Variants in SNTG1 observed in about 807,000 individuals in gnomAD.
SNTG1 encodes syntrophin gamma 1, also known as gamma-1-syntrophin.
A neutral mutation model predicts 74.7 loss-of-function variants in SNTG1; 39 were observed. That is an observed-to-expected ratio of 0.52 (90% CI 0.40 to 0.68). The LOEUF (loss-of-function observed/expected upper bound fraction) is 0.68, where lower values mean the gene tolerates loss of function less well. Ranked by LOEUF, SNTG1 falls within the 30% of genes least tolerant of loss-of-function variation. The pLI, the probability that SNTG1 is intolerant of heterozygous loss-of-function variation, is 0.00. For synonymous variants in SNTG1, 254 were observed against 217.1 expected, an observed-to-expected ratio of 1.17 and a Z score of -1.49; for missense variants, 685 against 609.5, an observed-to-expected ratio of 1.12 and a Z score of -1.30.
chr8:50,244,663 C>T (rs1347856919), intron 2 of SNTG1, among the ~76,000 whole-genome samples: 1 of 152,124 alleles, frequency 6.6e-6, no homozygotes, highest in Non-Finnish European at 1.5e-5. Flanking sequence ...GCTCTATTAG[C>T]ACAGCAGACA....
At chr8:50,013,063 T>A (rs931019366) in intron 1 of SNTG1, among the ~76,000 whole-genome samples, 5 of 152,114 alleles carry the variant, frequency 3.3e-5, no homozygotes, top group Non-Finnish European at 7.4e-5. Flanking sequence ...AGCAAAGCCC[T>A]GGATATGAAA....
At position 50,438,550 on chromosome 8, in the gene SNTG1, C is replaced by G. The variant is rs746660228; in HGVS notation, c.170C>G (p.Thr57Arg). The G allele has an allele frequency of 5.0e-6, 8 of 1,612,634 alleles. No individual in the cohort carries two copies. In the African/African-American group the frequency reaches 5.3e-5, roughly 11 times the overall value. The change falls in exon 5 of 19, where the codon ACG becomes AGG. Residue 57 changes from threonine (T) to arginine (R), a missense_variant. Coordinates refer to ENST00000642720, the MANE Select transcript of SNTG1 (RefSeq NM_018967.5). ...SGEPFYSGER[T>R]VTIRRQTVGG... ...AAAAATCCTGTCTTTCAGGAAAGAA[C>G]GGTGACCATCAGAAGACAAACAGTA...
intron 5 of SNTG1, among the ~76,000 whole-genome samples, chr8:50,445,200 G>C (rs562401432): frequency 1.3e-5 from 2 of 152,170 alleles, no homozygotes; most frequent in African/African-American, 2.4e-5. Context: ...ATAGCATCCA[G>C]AAGGATGATG....
intron 8 of SNTG1, among the ~76,000 whole-genome samples, chr8:50,475,538 C>T (rs1201512894): frequency 7.2e-5 from 11 of 152,048 alleles, no homozygotes. Context: ...ATGCCATTTC[C>T]GTGTGTTCCT....
intron 8 of SNTG1, among the ~76,000 whole-genome samples, chr8:50,474,987 A>G (rs1301911785): frequency 6.6e-6 from 1 of 150,636 alleles, no homozygotes; most frequent in Non-Finnish European, 1.5e-5. Flanking sequence ...ACAAAGAACC[A>G]AACACCGCGT....
At chr8:50,297,307 A>G (rs934111157) in intron 2 of SNTG1, among the ~76,000 whole-genome samples, 1 of 152,180 alleles carries the variant, frequency 6.6e-6, no homozygotes, top group Non-Finnish European at 1.5e-5. Flanking sequence ...TAGGCAGAAT[A>G]AGAGATTACC....
intron 18 of SNTG1, among the ~76,000 whole-genome samples, chr8:50,790,215 T>G (rs879879710): frequency 6.6e-6 from 1 of 151,998 alleles, no homozygotes. Context: ...CTCCTGTCAC[T>G]GGAAAGTAAC....
At chr8:50,048,228 G>A (rs1281843058) in intron 1 of SNTG1, among the ~76,000 whole-genome samples, 1 of 152,064 alleles carries the variant, frequency 6.6e-6, no homozygotes, top group Non-Finnish European at 1.5e-5. Context: ...GTTAAAGTGG[G>A]TTTTAAAAAT....
chr8:50,790,368 G>C (rs1279412639), intron 18 of SNTG1, among the ~76,000 whole-genome samples: 1 of 151,788 alleles, frequency 6.6e-6, no homozygotes, highest in African/African-American at 2.4e-5. Flanking sequence ...TTTGAAGATA[G>C]CTTATATTTA....
intron 8 of SNTG1, among the ~76,000 whole-genome samples, chr8:50,484,571 TA>T (rs2093773867): frequency 1.3e-5 from 2 of 151,206 alleles, no homozygotes; most frequent in African/African-American, 4.9e-5. Context: ...GTATAAGAAA[TA>T]TGCAGGGCCT....
chr8:50,546,460 C>T (rs951338091), intron 11 of SNTG1, among the ~76,000 whole-genome samples: 1 of 151,826 alleles, frequency 6.6e-6, no homozygotes, highest in African/African-American at 2.4e-5. Context: ...TATACATGTG[C>T]CGTGTTGGTG....
At chr8:50,569,541 C>CA (rs1563589221) in intron 12 of SNTG1, among the ~76,000 whole-genome samples, 3 of 145,144 alleles carry the variant, frequency 2.1e-5, no homozygotes, top group Non-Finnish European at 1.5e-5. Context: ...AAAAAACAAA[C>CA]AAAAAACAAA....
At chr8:50,671,230 A>T (rs1286082485) in intron 15 of SNTG1, among the ~76,000 whole-genome samples, 2 of 151,978 alleles carry the variant, frequency 1.3e-5, no homozygotes, top group East Asian at 3.8e-4. Flanking sequence ...GCACAGCAAA[A>T]GAAACTACCA....
chr8:49,929,564 C>T (rs4460388), intron 1 of SNTG1, among the ~76,000 whole-genome samples: 96,802 of 152,120 alleles, frequency 0.64, 34,636 homozygotes, highest in East Asian at 0.86. Context: ...GCCGGAAGGA[C>T]GCACCTGGGG....
chr8:50,289,009 T>G (rs952678431), intron 2 of SNTG1, among the ~76,000 whole-genome samples: 1 of 152,230 alleles, frequency 6.6e-6, no homozygotes. Context: ...TTCCAACATG[T>G]GACCAGTTTA....
intron 1 of SNTG1, among the ~76,000 whole-genome samples, chr8:50,144,219 T>C (rs1273614536): frequency 3.9e-5 from 6 of 152,236 alleles, no homozygotes; most frequent in Non-Finnish European, 8.8e-5. Context: ...TTAAATGACC[T>C]ACTTTTTAGA....
intron 4 of SNTG1, among the ~76,000 whole-genome samples, chr8:50,430,263 C>G (rs1382352410): frequency 6.6e-6 from 1 of 152,056 alleles, no homozygotes; most frequent in East Asian, 1.9e-4. Context: ...AAAATATATT[C>G]TTAGAAAGAT....
chr8:50,232,753 A>C (rs13249415), intron 2 of SNTG1, among the ~76,000 whole-genome samples: 85,426 of 151,174 alleles, frequency 0.57, 27,809 homozygotes, highest in East Asian at 0.84. Flanking sequence ...AATACAGATC[A>C]ACATTCAAAA....
At position 50,159,461 on chromosome 8, in the gene SNTG1, C is replaced by G. The variant is rs578069881; in HGVS notation, c.-102-13100C>G. Among the ~76,000 whole-genome samples the G allele has an allele frequency of 3.9e-5, 6 of 152,258 alleles. No homozygotes were observed. The South Asian group carries it at 1.2e-3, about 32-fold the overall frequency. On this transcript the variant is annotated intron_variant, in intron 1 of 18. Coordinates refer to ENST00000642720, the MANE Select transcript of SNTG1 (RefSeq NM_018967.5). ...TACTCATCATCCATCTGGTTTTAAA[C>G]TTCCAAAACATTGTTGTGTCCTCCG...
Sources: gnomAD v4.1 joint callset for allele counts (sites outside exome capture counted in the v4.1 genomes callset) on GRCh38, gnomAD v4.1.1 for gene constraint, MANE v1.5 for transcripts, NCBI Gene and HGNC (gene_info 2026-07-23, HGNC 2026-07-21) for gene names.